The following MPP7 variants were observed in gnomAD, a reference collection of about 807,000 sequenced individuals.
The protein encoded by MPP7 is MAGUK p55 scaffold protein 7, also known as MAGUK p55 subfamily member 7.
Under a neutral mutation model 76.5 loss-of-function variants are expected in MPP7, and 60 were observed. That is an observed-to-expected ratio of 0.78 (90% CI 0.64 to 0.97). The LOEUF is 0.97. Ranked by LOEUF, MPP7 falls within the 50% of genes least tolerant of loss-of-function variation. The pLI is 0.00. For missense variants in MPP7, 641 were observed against 694.0 expected, an observed-to-expected ratio of 0.92 and a Z score of 0.86; for synonymous variants, 237 against 244.5, an observed-to-expected ratio of 0.97 and a Z score of 0.29.
At chr10:28,215,817 T>C (rs1030751426) in intron 2 of MPP7, among the ~76,000 whole-genome samples, 1 of 152,236 alleles carries the variant, frequency 6.6e-6, no homozygotes. Context: ...CTTACAATGA[T>C]GCCTTGCTTT....
chr10:28,213,082 G>C (rs1838195637), intron 2 of MPP7, among the ~76,000 whole-genome samples: 1 of 151,996 alleles, frequency 6.6e-6, no homozygotes, highest in Non-Finnish European at 1.5e-5. Flanking sequence ...TGAGAATATA[G>C]GCATGCTCCC....
In MPP7 at chr10:28,099,264, C is replaced by T. The variant is rs79840148; in HGVS notation, c.953-9423G>A. ...GAAGTGGGACTTGGCTTTCTGTTAA[C>T]TCAAAGAAAATCAATACTACTACGT... On this transcript the variant is annotated intron_variant, in intron 11 of 16. Coordinates refer to ENST00000683449, the MANE Select transcript of MPP7 (RefSeq NM_001318170.2). Among the ~76,000 whole-genome samples, 1,337 of 152,262 alleles carry T rather than the reference C, an allele frequency of 8.8e-3. 13 individuals carry two copies. The highest frequency in any genetic ancestry group is 0.015 in the Non-Finnish European group (1,040 of 68,018).
intron 12 of MPP7, among the ~76,000 whole-genome samples, chr10:28,087,011 G>A (rs77492771): frequency 0.034 from 5,123 of 152,194 alleles, 130 homozygotes; most frequent in Non-Finnish European, 0.054. Context: ...CCCAAATTGC[G>A]TGTTGAAATT....
chr10:28,137,446 G>T (rs1344598083), intron 5 of MPP7, among the ~76,000 whole-genome samples: 1 of 152,182 alleles, frequency 6.6e-6, no homozygotes, highest in African/African-American at 2.4e-5. Flanking sequence ...GGCATATCTT[G>T]CACATAGTAA....
chr10:28,186,041 C>T (rs1037320729), intron 3 of MPP7, among the ~76,000 whole-genome samples: 1 of 152,156 alleles, frequency 6.6e-6, no homozygotes, highest in Admixed American at 6.5e-5. Context: ...TTCATGCTGA[C>T]TTCCATCAGA....
chr10:28,104,277 T>C (rs1853970427), intron 11 of MPP7, among the ~76,000 whole-genome samples: 1 of 151,904 alleles, frequency 6.6e-6, no homozygotes, highest in African/African-American at 2.4e-5. Context: ...AGAAGACTGA[T>C]GAATAACCCA....
intron 12 of MPP7, 140 bp downstream of exon 12, chr10:28,089,531 T>C (rs1369016033): frequency 4.0e-6 from 3 of 747,458 alleles, no homozygotes; most frequent in Non-Finnish European, 4.3e-6. Context: ...AAACTAAAGA[T>C]TTTGTTTCAG....
intron 1 of MPP7, among the ~76,000 whole-genome samples, chr10:28,281,506 C>T (rs896707699): frequency 6.6e-6 from 1 of 152,076 alleles, no homozygotes; most frequent in African/African-American, 2.4e-5. Context: ...AGACAAATGA[C>T]AACATGAGAT....
intron 12 of MPP7, among the ~76,000 whole-genome samples, chr10:28,070,858 A>T (rs1852212298): frequency 6.6e-6 from 1 of 152,232 alleles, no homozygotes; most frequent in Non-Finnish European, 1.5e-5. Context: ...TGAGTCTGAA[A>T]TCAAAAGTTA....
chr10:28,293,699 A>T (rs1390030233), intron 1 of MPP7, among the ~76,000 whole-genome samples: 1 of 152,218 alleles, frequency 6.6e-6, no homozygotes, highest in African/African-American at 2.4e-5. Context: ...TCCGCGTCAC[A>T]GGTCCCTTCA....
chr10:28,321,459 A>C (rs1834368321), intron 2 of MPP7, among the ~76,000 whole-genome samples: 1 of 152,204 alleles, frequency 6.6e-6, no homozygotes, highest in East Asian at 1.9e-4. Flanking sequence ...CAATTATTTT[A>C]ATTGCCCAAA....
At chr10:28,167,292 C>T (rs996671714) in intron 3 of MPP7, among the ~76,000 whole-genome samples, 1 of 145,808 alleles carries the variant, frequency 6.9e-6, no homozygotes, top group Admixed American at 7.3e-5. Context: ...GCCTGGGCAA[C>T]AGAGTGAGGC....
At chr10:28,267,831 T>C (rs1016033991) in intron 1 of MPP7, among the ~76,000 whole-genome samples, 5 of 151,948 alleles carry the variant, frequency 3.3e-5, no homozygotes, top group Non-Finnish European at 7.4e-5. Context: ...AGGTCAGCAG[T>C]TTGAGACCAG....
chr10:28,138,298 CT>C (rs1462407759), intron 5 of MPP7, among the ~76,000 whole-genome samples: 1 of 152,162 alleles, frequency 6.6e-6, no homozygotes, highest in African/African-American at 2.4e-5. Context: ...ACTATCTCTG[CT>C]TCCCCTAGAA....
intron 3 of MPP7, among the ~76,000 whole-genome samples, chr10:28,165,688 A>G (rs1836427538): frequency 6.6e-6 from 1 of 152,172 alleles, no homozygotes; most frequent in Non-Finnish European, 1.5e-5. Flanking sequence ...TTTGATAAGC[A>G]CTGACTCCTG....
chr10:28,331,933 C>T (rs1050741589), intron 1 of MPP7, among the ~76,000 whole-genome samples: 3 of 152,074 alleles, frequency 2.0e-5, no homozygotes, highest in East Asian at 1.9e-4. Flanking sequence ...CAATTCATCT[C>T]CTTGGTATTG....
chr10:28,131,515 T>C (rs1564648232), intron 6 of MPP7, 45 bp downstream of exon 6: 1 of 1,498,098 alleles, frequency 6.7e-7, no homozygotes, highest in South Asian at 1.2e-5. Context: ...CCATCAGATT[T>C]GGCCCTATCA....
chr10:28,291,549 T>G (rs1470773672), intron 1 of MPP7, among the ~76,000 whole-genome samples: 1 of 151,948 alleles, frequency 6.6e-6, no homozygotes, highest in Non-Finnish European at 1.5e-5. Context: ...GAGGTTGCAG[T>G]GAGCCAAAGA....
rs1414152489 is a variant in MPP7, at chr10:28,053,216, T to C, written c.*849A>G. On this transcript the variant is annotated 3_prime_UTR_variant, in exon 17 of 17. Coordinates refer to ENST00000683449, the MANE Select transcript of MPP7 (RefSeq NM_001318170.2). The stretch of plus-strand genomic sequence containing the variant: ...GAATAGAAATCCTTCTTCTAATTTA[T>C]TGGAAAAATCCAAAACCAGCTAAAA... 2 of 152,206 alleles carry C rather than the reference T, an allele frequency of 1.3e-5. No individual in the cohort carries two copies. Among genetic ancestry groups the C allele is most frequent in the Non-Finnish European group, 2.9e-5 (2 of 68,038 alleles). The allele number at this position is 152,206 out of a possible 1,614,324, so 9.4% of individuals were successfully genotyped here.
Sources: gnomAD v4.1 joint callset for allele counts (sites outside exome capture counted in the v4.1 genomes callset) on GRCh38, gnomAD v4.1.1 for gene constraint, MANE v1.5 for transcripts, NCBI Gene and HGNC (gene_info 2026-07-23, HGNC 2026-07-21) for gene names.